The following CCM2 variants were observed in gnomAD, a reference collection of about 807,000 sequenced individuals.
CCM2 encodes cerebral cavernous malformations 2 protein.
In CCM2, 25 loss-of-function variants were observed where a neutral mutation model predicts 44.9. The observed-to-expected ratio is 0.56, with a 90% CI of 0.41 to 0.78. The LOEUF (loss-of-function observed/expected upper bound fraction) is 0.78. Among genes scored for constraint, CCM2 ranks in the 30% least tolerant of loss-of-function variants. CCM2 has a pLI of 0.00. For missense variants in CCM2, 481 were observed against 580.6 expected (o/e 0.83, Z 1.76); for synonymous variants, 219 against 241.1 (o/e 0.91, Z 0.85).
At chr7:45,041,747 T>C (rs1350163598) in intron 2 of CCM2, among the ~76,000 whole-genome samples, 2 of 152,176 alleles carry the variant, frequency 1.3e-5, no homozygotes, top group Non-Finnish European at 2.9e-5. Flanking sequence ...CCATGGACTT[T>C]TATCCCTGTT....
chr7:45,072,808 T>C (rs1484381803), intron 7 of CCM2, 25 bp downstream of exon 7: 4 of 1,593,712 alleles, frequency 2.5e-6, no homozygotes, highest in Non-Finnish European at 3.4e-6. Flanking sequence ...CACCAAGCCC[T>C]GCGGTGGGAC....
chr7:45,070,038 A>G (rs1295174038), intron 6 of CCM2, 77 bp downstream of exon 6: 33 of 1,574,150 alleles, frequency 2.1e-5, no homozygotes, highest in Non-Finnish European at 2.8e-5. Flanking sequence ...GCTCCCCATG[A>G]GTTACTCCTG....
At chr7:45,019,100 G>C (rs934162703) in intron 1 of CCM2, among the ~76,000 whole-genome samples, 2 of 113,800 alleles carry the variant, frequency 1.8e-5, no homozygotes, top group African/African-American at 7.2e-5. Flanking sequence ...GTCTCACTCT[G>C]TTGGCCAGGC....
At chr7:45,043,494 T>G (rs1797608900) in intron 2 of CCM2, among the ~76,000 whole-genome samples, 1 of 152,084 alleles carries the variant, frequency 6.6e-6, no homozygotes, top group Non-Finnish European at 1.5e-5. Context: ...GTTCTGAGGA[T>G]GCAAGGCTGG....
chr7:45,000,267 G>C lies in CCM2; in HGVS notation c.-67G>C. On this transcript the variant is annotated 5_prime_UTR_variant, in exon 1 of 10. It removes an upstream start codon present in the reference 5' UTR. Transcript: ENST00000258781. ...GGGGCGGCGGGCCCGGGTCGAGCAT[G>C]TAGCGGCTGCTGGCGGCGGGGCTCC... The C allele has an allele frequency of 2.8e-6, 3 of 1,085,290 alleles. No individual in the cohort carries two copies. The highest frequency in any genetic ancestry group is 3.4e-6 in the Non-Finnish European group (3 of 874,778). The allele number at this position is 1,085,290 out of a possible 1,614,324, so 67.2% of individuals were successfully genotyped here.
chr7:45,026,974 T>G (rs1796716260), intron 1 of CCM2: 1 of 154,450 alleles, frequency 6.5e-6, no homozygotes, highest in African/African-American at 2.4e-5. Flanking sequence ...TCTAAGAGCC[T>G]TCACCAGCAA....
At chr7:45,043,447 C>T (rs1391224385) in intron 2 of CCM2, among the ~76,000 whole-genome samples, 2 of 151,986 alleles carry the variant, frequency 1.3e-5, no homozygotes, top group Admixed American at 6.6e-5. Flanking sequence ...TGAGAATAAA[C>T]AACAAAAAAA....
chr7:45,031,439 G>GGCAGTCATAGCCCACT, intron 1 of CCM2, among the ~76,000 whole-genome samples: 1 of 151,950 alleles, frequency 6.6e-6, no homozygotes, highest in East Asian at 1.9e-4. Flanking sequence ...GAGTGCAGCG[G>GGCAGTCATAGCCCACT]GCAGTCATAG....
chr7:45,073,982 G>T (rs1799216590), intron 8 of CCM2: 6 of 577,130 alleles, frequency 1.0e-5, no homozygotes, highest in South Asian at 1.0e-4. Flanking sequence ...CCCGGGCCAG[G>T]TTGCCAACTT....
At chr7:45,073,857 G>T in intron 8 of CCM2, 1 of 552,116 alleles carries the variant, frequency 1.8e-6, no homozygotes, top group Admixed American at 3.2e-5. Context: ...CCCCTGCAAG[G>T]CCACATGGCC....
chr7:45,041,881 A>G (rs1797519349), intron 2 of CCM2, among the ~76,000 whole-genome samples: 2 of 152,196 alleles, frequency 1.3e-5, no homozygotes, highest in African/African-American at 4.8e-5. Flanking sequence ...TGGAAGCCAC[A>G]TGGGGAACCA....
At chr7:45,027,734 C>G in intron 1 of CCM2, 1 of 1,614,038 alleles carries the variant, frequency 6.2e-7, no homozygotes, top group East Asian at 2.2e-5. Flanking sequence ...AGAGGAGGAA[C>G]CAGAATCTCT....
At chr7:45,021,392 C>T (rs1182685822) in intron 1 of CCM2, among the ~76,000 whole-genome samples, 6 of 151,672 alleles carry the variant, frequency 4.0e-5, no homozygotes, top group Admixed American at 2.6e-4. Context: ...GTAAAACCCC[C>T]GACTCTACTA....
At position 45,029,757 on chromosome 7, in the gene CCM2, C is replaced by A. The variant is rs140923256; in HGVS notation, c.31-8496C>A. Among the ~76,000 whole-genome samples the A allele has an allele frequency of 9.2e-5, 14 of 152,340 alleles. No individual in the cohort carries two copies. The East Asian group carries it at 2.5e-3, about 27-fold the overall frequency. On this transcript the variant is annotated intron_variant, in intron 1 of 9. Transcript: ENST00000258781. ...AGACCCGCAGTTGGCATCTGAGGGC[C>A]AGCCTTGCCCAGAGCCTGAGCCTTG...
intron 2 of CCM2, among the ~76,000 whole-genome samples, chr7:45,058,068 G>A (rs1156346881): frequency 6.6e-6 from 1 of 152,196 alleles, no homozygotes; most frequent in Admixed American, 6.5e-5. Context: ...TCATGTCACC[G>A]TGTTTACGTT....
chr7:45,073,635 G>A, intron 8 of CCM2, 64 bp downstream of exon 8: 1 of 1,164,724 alleles, frequency 8.6e-7, no homozygotes, highest in East Asian at 2.4e-5. Flanking sequence ...GAGGATGGGG[G>A]GAAGGGGAGG....
intron 2 of CCM2, chr7:45,063,099 T>C (rs1213529324): frequency 6.7e-6 from 1 of 149,832 alleles, no homozygotes; most frequent in East Asian, 2.0e-4. Context: ...TGAGATGGAG[T>C]TTTGCTCTTG....
At chr7:44,999,991 C>T (rs1795515643), upstream of CCM2, 2 of 250,438 alleles carry the variant, frequency 8.0e-6, no homozygotes, top group Admixed American at 1.1e-4. Context: ...GGATCTTCAG[C>T]CTGTGGGCGG....
chr7:45,072,687 C>A, intron 6 of CCM2, 39 bp from the exon 7 acceptor site: 5 of 1,532,826 alleles, frequency 3.3e-6, no homozygotes, highest in Non-Finnish European at 4.5e-6. Context: ...CCCACTATGT[C>A]CCTGAAAGTC....
Sources: allele counts gnomAD v4.1 joint callset (sites outside exome capture counted in the v4.1 genomes callset), GRCh38; gene constraint gnomAD v4.1.1; transcripts MANE v1.5; gene names NCBI Gene and HGNC (gene_info 2026-07-23, HGNC 2026-07-21).